CCDC149: variants seen among roughly 807,000 people sequenced by gnomAD.
CCDC149 encodes the protein coiled-coil domain-containing protein 149.
Under a neutral mutation model 59.9 loss-of-function variants are expected in CCDC149, and 45 were observed. That is an observed-to-expected ratio of 0.75 (90% confidence interval 0.59 to 0.96). The LOEUF is 0.96. Among genes scored for constraint, CCDC149 ranks in the 40% least tolerant of loss-of-function variants. The pLI is 0.00. For synonymous variants in CCDC149, 245 were observed against 260.6 expected, an observed-to-expected ratio of 0.94 and a Z score of 0.58; for missense variants, 584 against 664.7, an observed-to-expected ratio of 0.88 and a Z score of 1.33.
At chr4:24,932,536 TAAGG>T (rs1722625824) in intron 1 of CCDC149, among the ~76,000 whole-genome samples, 1 of 152,148 alleles carries the variant, frequency 6.6e-6, no homozygotes, top group Non-Finnish European at 1.5e-5. Flanking sequence ...TAAATTGAAG[TAAGG>T]AAGTGTGGCT....
intron 12 of CCDC149, among the ~76,000 whole-genome samples, chr4:24,810,051 T>G (rs1015901977): frequency 6.6e-6 from 1 of 152,186 alleles, no homozygotes; most frequent in Non-Finnish European, 1.5e-5. Flanking sequence ...TCACACAGTT[T>G]CATCACACGT....
At chr4:24,899,862 A>G (rs1301988247) in intron 1 of CCDC149, among the ~76,000 whole-genome samples, 1 of 152,296 alleles carries the variant, frequency 6.6e-6, no homozygotes, top group East Asian at 1.9e-4. Flanking sequence ...CCTAACCAAC[A>G]CCTGATGCTC....
At chr4:24,875,115 T>C (rs1023835609) in intron 2 of CCDC149, among the ~76,000 whole-genome samples, 1 of 152,134 alleles carries the variant, frequency 6.6e-6, no homozygotes, top group South Asian at 2.1e-4. Context: ...GAGACCATCC[T>C]GGCTAACAAG....
At chr4:24,894,859 C>G in intron 1 of CCDC149, 6 of 1,135,132 alleles carry the variant, frequency 5.3e-6, no homozygotes, top group Non-Finnish European at 7.4e-6. Flanking sequence ...TCGCTGACAC[C>G]CCTGCAGCCT....
intron 1 of CCDC149, among the ~76,000 whole-genome samples, chr4:24,944,997 A>T (rs1723065021): frequency 6.6e-6 from 1 of 152,202 alleles, no homozygotes; most frequent in Non-Finnish European, 1.5e-5. Flanking sequence ...GTTTTATATG[A>T]GAACTGAATA....
intron 1 of CCDC149, among the ~76,000 whole-genome samples, chr4:24,887,230 T>C (rs1241624073): frequency 2.4e-5 from 3 of 124,166 alleles, no homozygotes. Flanking sequence ...GGTGGCTTTA[T>C]AGCCAGATAG....
chr4:24,952,388 TC>T (rs2109355447), intron 1 of CCDC149, among the ~76,000 whole-genome samples: 1 of 151,578 alleles, frequency 6.6e-6, no homozygotes, highest in African/African-American at 2.4e-5. Flanking sequence ...GGTCGGGAGT[TC>T]AAGACCAGTC....
chr4:24,836,805 T>C (rs920793066), intron 6 of CCDC149, among the ~76,000 whole-genome samples: 1 of 152,148 alleles, frequency 6.6e-6, no homozygotes, highest in Non-Finnish European at 1.5e-5. Flanking sequence ...ATGATTCCAC[T>C]GGGAAGAGAG....
chr4:24,905,414 CGT>C (rs1163234474), intron 1 of CCDC149, among the ~76,000 whole-genome samples: 6,261 of 78,492 alleles, frequency 0.08, 156 homozygotes, highest in Middle Eastern at 0.16. Flanking sequence ...TGCGTGCGTG[CGT>C]GTGTGTGTGT....
chr4:24,922,587 G>C (rs530211502), intron 1 of CCDC149, among the ~76,000 whole-genome samples: 1 of 152,276 alleles, frequency 6.6e-6, no homozygotes, highest in South Asian at 2.1e-4. Context: ...TCAGTGGCTG[G>C]TATGTGAGTC....
At chr4:24,921,059 A>G (rs1722269911) in intron 1 of CCDC149, among the ~76,000 whole-genome samples, 1 of 152,088 alleles carries the variant, frequency 6.6e-6, no homozygotes, top group Non-Finnish European at 1.5e-5. Flanking sequence ...CTAAAAATAA[A>G]CTCCTTGAGA....
At chr4:24,860,272 A>G (rs184301343) in intron 3 of CCDC149, among the ~76,000 whole-genome samples, 1 of 152,310 alleles carries the variant, frequency 6.6e-6, no homozygotes, top group African/African-American at 2.4e-5. Flanking sequence ...CAGAATAGAG[A>G]AGCCAGAAAT....
rs1015547022 is a variant in CCDC149, at chr4:24,877,665, C to T, written c.64-968G>A. ...TTCCTATGATTCAAATGCAGGCACT[C>T]CCCATCCAGAGACCAATCTTAGGAG... On this transcript the variant is annotated intron_variant, in intron 1 of 12. Transcript: ENST00000635206. Among the ~76,000 whole-genome samples, 4 of 152,218 alleles carry T rather than the reference C, an allele frequency of 2.6e-5. No homozygotes were observed. In the East Asian group the frequency reaches 7.7e-4, roughly 29 times the overall value.
intron 1 of CCDC149, among the ~76,000 whole-genome samples, chr4:24,901,335 G>A (rs1394516923): frequency 6.8e-6 from 1 of 147,832 alleles, no homozygotes; most frequent in Non-Finnish European, 1.5e-5. Flanking sequence ...TGGTTTTACT[G>A]GTGGAAAACC....
intron 1 of CCDC149, among the ~76,000 whole-genome samples, chr4:24,961,657 A>G (rs370387114): frequency 6.6e-6 from 1 of 152,226 alleles, no homozygotes; most frequent in Non-Finnish European, 1.5e-5. Context: ...ATAATGCTGC[A>G]TATCTACAAC....
chr4:24,850,099 A>T (rs1717559012), intron 4 of CCDC149, among the ~76,000 whole-genome samples: 1 of 152,148 alleles, frequency 6.6e-6, no homozygotes, highest in Non-Finnish European at 1.5e-5. Flanking sequence ...TGACAACCAG[A>T]TGGTAGTTGG....
chr4:24,888,059 G>A (rs374708687), intron 1 of CCDC149, among the ~76,000 whole-genome samples: 5 of 152,078 alleles, frequency 3.3e-5, no homozygotes, highest in East Asian at 1.9e-4. Flanking sequence ...TGAGAGCCAC[G>A]TGGCACTGTG....
chr4:24,897,583 C>A (rs2109299897), intron 1 of CCDC149, among the ~76,000 whole-genome samples: 1 of 152,240 alleles, frequency 6.6e-6, no homozygotes, highest in South Asian at 2.1e-4. Context: ...GCTATGAGTT[C>A]TTTGTGAGCA....
chr4:24,861,328 T>G (rs2109207470), intron 3 of CCDC149, among the ~76,000 whole-genome samples: 1 of 152,154 alleles, frequency 6.6e-6, no homozygotes, highest in Middle Eastern at 3.4e-3. Flanking sequence ...AATAATGGCA[T>G]TTTCAGCAAT....
Sources: gnomAD v4.1 joint callset for allele counts (sites outside exome capture counted in the v4.1 genomes callset) on GRCh38, gnomAD v4.1.1 for gene constraint, MANE v1.5 for transcripts, NCBI Gene and HGNC (gene_info 2026-07-23, HGNC 2026-07-21) for gene names.